The following BRINP3 variants were observed in gnomAD, a reference collection of about 807,000 sequenced individuals.
The protein encoded by BRINP3 is BMP/retinoic acid-inducible neural-specific protein 3.
Under a neutral mutation model 71.0 loss-of-function variants are expected in BRINP3, and 19 were observed. The ratio of observed to expected loss-of-function variants is 0.27; its 90% CI spans 0.19 to 0.39. BRINP3 has a LOEUF of 0.39. Ranked by LOEUF, BRINP3 falls within the 10% of genes least tolerant of loss-of-function variation. The pLI is 1.00. For synonymous variants in BRINP3, 380 were observed against 337.7 expected, an observed-to-expected ratio of 1.13 and a Z score of -1.37; for missense variants, 959 against 940.8, an observed-to-expected ratio of 1.02 and a Z score of -0.25.
At chr1:190,428,442 C>T (rs983672612) in intron 2 of BRINP3, among the ~76,000 whole-genome samples, 14 of 151,856 alleles carry the variant, frequency 9.2e-5, no homozygotes, top group Admixed American at 7.2e-4. Flanking sequence ...CCCAAAAAAA[C>T]TCGTATTTTT....
intron 6 of BRINP3, among the ~76,000 whole-genome samples, chr1:190,203,424 T>C (rs1157753562): frequency 5.5e-5 from 8 of 145,884 alleles, no homozygotes; most frequent in Non-Finnish European, 1.2e-4. Context: ...TGTGTGTGTA[T>C]ATATATATAT....
intron 7 of BRINP3, among the ~76,000 whole-genome samples, chr1:190,119,586 C>A (rs1439426466): frequency 1.3e-5 from 2 of 152,006 alleles, no homozygotes; most frequent in African/African-American, 4.8e-5. Context: ...CGTGCCCAGC[C>A]CTCTTTTTAC....
At chr1:190,435,367 T>C (rs1674388164) in intron 2 of BRINP3, among the ~76,000 whole-genome samples, 1 of 152,074 alleles carries the variant, frequency 6.6e-6, no homozygotes, top group African/African-American at 2.4e-5. Flanking sequence ...TAGACAACTT[T>C]CAGATTACAT....
intron 2 of BRINP3, among the ~76,000 whole-genome samples, chr1:190,285,636 T>C (rs1421502920): frequency 1.3e-5 from 2 of 152,046 alleles, no homozygotes; most frequent in Non-Finnish European, 2.9e-5. Context: ...TCATTATTGA[T>C]GTAAAGTTTT....
At chr1:190,317,954 G>T (rs1665995485) in intron 2 of BRINP3, among the ~76,000 whole-genome samples, 1 of 152,052 alleles carries the variant, frequency 6.6e-6, no homozygotes, top group South Asian at 2.1e-4. Context: ...CAAAATTCGT[G>T]TGTAAGCATA....
In BRINP3 at chr1:190,279,215, C is replaced by G. The variant is rs903611586; in HGVS notation, c.427+2345G>C. Among the ~76,000 whole-genome samples, 10 of 151,720 alleles carry G rather than the reference C, an allele frequency of 6.6e-5. No individual in the cohort carries two copies. The Admixed American group carries it at 6.6e-4, about 10-fold the overall frequency. ...ATTTTATTGCATTAATAATAATTGA[C>G]ATTACTAAGCCAAATAGACACAGCT... On this transcript the variant is annotated intron_variant, in intron 3 of 7. Coordinates refer to ENST00000367462, the MANE Select transcript of BRINP3 (RefSeq NM_199051.3).
At chr1:190,323,041 C>T (rs570954424) in intron 2 of BRINP3, among the ~76,000 whole-genome samples, 57 of 152,078 alleles carry the variant, frequency 3.7e-4, no homozygotes, top group African/African-American at 1.3e-3. Context: ...TGTATTAATT[C>T]AAAGTGTAGG....
At chr1:190,403,170 C>G (rs949657856) in intron 2 of BRINP3, among the ~76,000 whole-genome samples, 21 of 152,078 alleles carry the variant, frequency 1.4e-4, no homozygotes, top group African/African-American at 4.6e-4. Flanking sequence ...TCTGAACCAA[C>G]GAATACACCA....
intron 3 of BRINP3, among the ~76,000 whole-genome samples, chr1:190,279,743 T>C (rs1041681779): frequency 6.6e-6 from 1 of 151,938 alleles, no homozygotes; most frequent in Non-Finnish European, 1.5e-5. Context: ...CTACTCTTAC[T>C]TGGGTACTGA....
intron 6 of BRINP3, among the ~76,000 whole-genome samples, chr1:190,197,930 C>T (rs578125635): frequency 9.3e-4 from 141 of 152,228 alleles, no homozygotes; most frequent in Admixed American, 2.5e-3. Flanking sequence ...AGAGGGTCCC[C>T]ATAATGGCTC....
intron 6 of BRINP3, among the ~76,000 whole-genome samples, chr1:190,166,326 A>T (rs1651535689): frequency 6.6e-6 from 1 of 152,056 alleles, no homozygotes; most frequent in African/African-American, 2.4e-5. Context: ...TCACTATTTT[A>T]TTTTTCTCTG....
chr1:190,396,712 T>TTATATATATATATATATATATATATATA (rs1558249085), intron 2 of BRINP3, among the ~76,000 whole-genome samples: 9 of 38,310 alleles, frequency 2.3e-4, no homozygotes, highest in African/African-American at 7.8e-4. Context: ...CCTAATTTAA[T>TTATATATATATATATATATATATATATA]GATATATATA....
intron 6 of BRINP3, among the ~76,000 whole-genome samples, chr1:190,223,267 AG>A (rs1342731696): frequency 6.6e-6 from 1 of 152,024 alleles, no homozygotes; most frequent in Non-Finnish European, 1.5e-5. Flanking sequence ...AGAGATGCAA[AG>A]ATAATCAACA....
At chr1:190,406,128 TA>T (rs1672263714) in intron 2 of BRINP3, among the ~76,000 whole-genome samples, 5 of 152,292 alleles carry the variant, frequency 3.3e-5, no homozygotes, top group Admixed American at 3.3e-4. Flanking sequence ...TTAAGTACAG[TA>T]AAATTGCTCA....
intron 3 of BRINP3, among the ~76,000 whole-genome samples, chr1:190,266,719 C>T (rs946383453): frequency 7.2e-5 from 11 of 152,052 alleles, no homozygotes; most frequent in African/African-American, 2.4e-4. Flanking sequence ...AACTCATCCA[C>T]GTGATAAGTC....
At chr1:190,135,949 T>A (rs574719003) in intron 7 of BRINP3, among the ~76,000 whole-genome samples, 1 of 152,040 alleles carries the variant, frequency 6.6e-6, no homozygotes, top group South Asian at 2.1e-4. Flanking sequence ...AGTAGCTAAC[T>A]TCTTGTGGAA....
At chr1:190,458,922 T>C (rs1188842357) in intron 1 of BRINP3, among the ~76,000 whole-genome samples, 1 of 151,770 alleles carries the variant, frequency 6.6e-6, no homozygotes, top group Non-Finnish European at 1.5e-5. Flanking sequence ...GGGAGAGTGA[T>C]TTTATATAAA....
chr1:190,104,285 C>T (rs1442474038), intron 7 of BRINP3, among the ~76,000 whole-genome samples: 1 of 151,970 alleles, frequency 6.6e-6, no homozygotes, highest in Non-Finnish European at 1.5e-5. Flanking sequence ...GCCAGACTGT[C>T]CACTTTGAAT....
At chr1:190,340,958 C>A (rs946325289) in intron 2 of BRINP3, among the ~76,000 whole-genome samples, 5 of 151,626 alleles carry the variant, frequency 3.3e-5, no homozygotes, top group African/African-American at 4.8e-5. Context: ...TATCATTTAA[C>A]AGGAAAGACA....
Sources: allele counts gnomAD v4.1 joint callset (sites outside exome capture counted in the v4.1 genomes callset), GRCh38; gene constraint gnomAD v4.1.1; transcripts MANE v1.5; gene names NCBI Gene and HGNC (gene_info 2026-07-23, HGNC 2026-07-21).